Variants in RSPO2 observed in about 807,000 individuals in gnomAD.
RSPO2 encodes the protein R-spondin 2.
RSPO2 carries 14 observed loss-of-function variants against 30.9 expected under a neutral mutation model. That is an observed-to-expected ratio of 0.45 (90% confidence interval 0.30 to 0.71). The LOEUF (loss-of-function observed/expected upper bound fraction) is 0.71. RSPO2 is among the 30% of genes least tolerant of loss of function. The pLI is 0.08. For missense variants in RSPO2, 264 were observed against 301.9 expected, an observed-to-expected ratio of 0.87 and a Z score of 0.93; for synonymous variants, 107 against 96.4, an observed-to-expected ratio of 1.11 and a Z score of -0.64.
At chr8:107,999,768 G>A (rs1280368363) in intron 2 of RSPO2, among the ~76,000 whole-genome samples, 1 of 151,658 alleles carries the variant, frequency 6.6e-6, no homozygotes, top group Non-Finnish European at 1.5e-5. Context: ...GGGGGAGAAA[G>A]TTAGAGTCAC....
intron 5 of RSPO2, among the ~76,000 whole-genome samples, chr8:107,920,414 A>T (rs558164471): frequency 6.6e-6 from 1 of 152,074 alleles, no homozygotes; most frequent in South Asian, 2.1e-4. Flanking sequence ...TATAATGCCA[A>T]CTCCAAAAAA....
chr8:108,068,847 A>G (rs1812751493), intron 2 of RSPO2, among the ~76,000 whole-genome samples: 1 of 152,070 alleles, frequency 6.6e-6, no homozygotes, highest in Non-Finnish European at 1.5e-5. Flanking sequence ...GAGAGCATGA[A>G]CCTCCTTGCA....
chr8:107,939,273 G>A (rs1309428436), intron 5 of RSPO2, among the ~76,000 whole-genome samples: 1 of 151,806 alleles, frequency 6.6e-6, no homozygotes, highest in Non-Finnish European at 1.5e-5. Flanking sequence ...CTTTCCCCAT[G>A]TGAATACTCT....
intron 5 of RSPO2, among the ~76,000 whole-genome samples, chr8:107,937,342 G>T (rs1313479917): frequency 1.3e-5 from 2 of 151,778 alleles, no homozygotes; most frequent in African/African-American, 2.4e-5. Context: ...TTGTTCCATT[G>T]GTCTATGTGT....
At chr8:107,983,577 A>G (rs561865183) in intron 3 of RSPO2, 3 of 1,599,814 alleles carry the variant, frequency 1.9e-6, no homozygotes, top group African/African-American at 1.3e-5. Flanking sequence ...CAGCAGAGCC[A>G]TGTATTGGAA....
intron 3 of RSPO2, among the ~76,000 whole-genome samples, chr8:107,968,647 T>G (rs1376645018): frequency 6.6e-6 from 1 of 152,126 alleles, no homozygotes; most frequent in East Asian, 1.9e-4. Context: ...TTACTCTGAT[T>G]TATTCATTTC....
chr8:107,977,958 C>T (rs1814275115), intron 3 of RSPO2, among the ~76,000 whole-genome samples: 1 of 151,808 alleles, frequency 6.6e-6, no homozygotes. Context: ...AAAACAGACT[C>T]AGGTATCCGA....
At chr8:107,919,606 C>G (rs1812087970) in intron 5 of RSPO2, among the ~76,000 whole-genome samples, 1 of 152,140 alleles carries the variant, frequency 6.6e-6, no homozygotes, top group Admixed American at 6.6e-5. Flanking sequence ...TTAGCTGGCA[C>G]CAGCCAGTTT....
chr8:108,035,005 T>C (rs1006374959), intron 2 of RSPO2, among the ~76,000 whole-genome samples: 1 of 152,232 alleles, frequency 6.6e-6, no homozygotes, highest in African/African-American at 2.4e-5. Context: ...ATAAAATCGA[T>C]TGAATGTTCT....
At chr8:108,065,469 T>C (rs1812637312) in intron 2 of RSPO2, among the ~76,000 whole-genome samples, 1 of 152,090 alleles carries the variant, frequency 6.6e-6, no homozygotes, top group Non-Finnish European at 1.5e-5. Context: ...TAGGCATTCG[T>C]GTGAATTAAA....
rs1811373578 is a variant in RSPO2 at position 107,899,526 on chromosome 8, C to A, written c.*1549G>T. The stretch of plus-strand genomic sequence containing the variant: ...TCATATGTGGCTTATTATCTCATAG[C>A]AATATTTTCATAACGATGTATATGA... On this transcript the variant is annotated 3_prime_UTR_variant, in exon 6 of 6. Transcript: ENST00000276659. 1.3e-5 allele frequency: 2 copies of A among 152,178 alleles called. No homozygotes were observed. The highest frequency in any genetic ancestry group is 2.4e-5 in the African/African-American group (1 of 41,272). 9.4% of individuals were successfully genotyped at this position (152,178 alleles called of 1,614,324 possible). A position where few individuals can be genotyped will look rare whatever the true frequency, so the allele number is the denominator to read the frequency against.
chr8:107,917,290 G>C lies in RSPO2; in HGVS notation c.617-16100C>G, dbSNP rs145674186. 4.6e-3 allele frequency among the ~76,000 whole-genome samples: 696 copies of C among 152,134 alleles called. 4 individuals are homozygous for C. Among genetic ancestry groups the C allele is most frequent in the African/African-American group, 0.012 (519 of 41,526 alleles). Reference sequence around the variant, plus strand: ...AGCTGAGGTCAGGAGTTTGAGACCAGGTTGGCCAACATGGTGAAACCCCAT... The same window carrying C: ...AGCTGAGGTCAGGAGTTTGAGACCACGTTGGCCAACATGGTGAAACCCCAT... On this transcript the variant is annotated intron_variant, in intron 5 of 5. Coordinates refer to ENST00000276659, the MANE Select transcript of RSPO2 (RefSeq NM_178565.5).
rs571001078 is a variant in RSPO2, at chr8:107,961,802, T to C, written c.284-985A>G. On this transcript the variant is annotated intron_variant, in intron 3 of 5. Coordinates refer to ENST00000276659, the MANE Select transcript of RSPO2 (RefSeq NM_178565.5). ...TCTGCAGATAGAAGCCACAGTGAATTAGAAACATGTATTTTTCCACTAAAC... is the reference window on the plus strand; with the variant it reads ...TCTGCAGATAGAAGCCACAGTGAATCAGAAACATGTATTTTTCCACTAAAC... Among the ~76,000 whole-genome samples the C allele has an allele frequency of 2.6e-5, 4 of 152,240 alleles. No individual in the cohort carries two copies. In the East Asian group the frequency reaches 7.7e-4, roughly 29 times the overall value.
chr8:108,024,626 G>T (rs1811148475), intron 2 of RSPO2, among the ~76,000 whole-genome samples: 1 of 152,164 alleles, frequency 6.6e-6, no homozygotes, highest in Non-Finnish European at 1.5e-5. Context: ...ATGTGAAAAG[G>T]GTAGAAGGGA....
At chr8:107,910,157 C>G (rs570402079) in intron 5 of RSPO2, among the ~76,000 whole-genome samples, 1 of 152,218 alleles carries the variant, frequency 6.6e-6, no homozygotes, top group South Asian at 2.1e-4. Context: ...CGGAAGGTAC[C>G]TTTTAAAATA....
At chr8:108,049,095 T>C (rs1168449993) in intron 2 of RSPO2, among the ~76,000 whole-genome samples, 2 of 151,848 alleles carry the variant, frequency 1.3e-5, no homozygotes, top group African/African-American at 4.8e-5. Flanking sequence ...CTGAGGCCTG[T>C]CGGAGGGTGG....
chr8:108,015,653 CA>C (rs1301439693), intron 2 of RSPO2, among the ~76,000 whole-genome samples: 1 of 151,176 alleles, frequency 6.6e-6, no homozygotes, highest in African/African-American at 2.4e-5. Context: ...GATCTTAAGT[CA>C]GATTAGCAAG....
chr8:107,949,119 G>A (rs1485664218), intron 5 of RSPO2, among the ~76,000 whole-genome samples: 2 of 151,960 alleles, frequency 1.3e-5, no homozygotes, highest in African/African-American at 2.4e-5. Context: ...TGTCACCCAA[G>A]AAGTGTACAC....
chr8:107,913,398 G>A (rs965282836), intron 5 of RSPO2, among the ~76,000 whole-genome samples: 4 of 152,096 alleles, frequency 2.6e-5, no homozygotes, highest in Non-Finnish European at 2.9e-5. Context: ...GATACAAGAC[G>A]AGGATAACCA....
Sources: allele counts gnomAD v4.1 joint callset (sites outside exome capture counted in the v4.1 genomes callset), GRCh38; gene constraint gnomAD v4.1.1; transcripts MANE v1.5; gene names NCBI Gene and HGNC (gene_info 2026-07-23, HGNC 2026-07-21).